The following UTRN variants were observed in gnomAD, a reference collection of about 807,000 sequenced individuals.
UTRN encodes the protein utrophin.
UTRN carries 283 observed loss-of-function variants against 463.9 expected under a neutral mutation model. That is an observed-to-expected ratio of 0.61 (90% CI 0.55 to 0.67). The LOEUF is 0.67. UTRN is among the 30% of genes least tolerant of loss of function. The pLI, the probability that UTRN is intolerant of heterozygous loss-of-function variation, is 0.00. For synonymous variants in UTRN, 1,442 were observed against 1,431.5 expected (o/e 1.01, Z -0.17); for missense variants, 3,922 against 4,084.3 (o/e 0.96, Z 1.08).
intron 49 of UTRN, among the ~76,000 whole-genome samples, chr6:144,556,704 T>C (rs3793135): frequency 0.54 from 81,397 of 151,976 alleles, 23,707 homozygotes; most frequent in East Asian, 0.85. Flanking sequence ...TCCATTCAAG[T>C]GGTTATCTTT....
chr6:144,813,236 C>A (rs1778786661), intron 65 of UTRN, among the ~76,000 whole-genome samples: 1 of 151,730 alleles, frequency 6.6e-6, no homozygotes, highest in Non-Finnish European at 1.5e-5. Flanking sequence ...GTTGTCCAAG[C>A]TGGAAGCAAT....
intron 69 of UTRN, 55 bp from the exon 70 acceptor site, chr6:144,835,725 A>C: frequency 2.5e-6 from 4 of 1,599,736 alleles, no homozygotes; most frequent in Non-Finnish European, 3.4e-6. Flanking sequence ...CTTTATGTCC[A>C]AAAACATCAC....
chr6:144,307,862 A>G (rs1336691521), intron 2 of UTRN, among the ~76,000 whole-genome samples: 1 of 151,786 alleles, frequency 6.6e-6, no homozygotes, highest in Non-Finnish European at 1.5e-5. Flanking sequence ...CATCAAGCTC[A>G]GGTGGAATGG....
intron 50 of UTRN, among the ~76,000 whole-genome samples, chr6:144,564,453 G>C (rs115029288): frequency 1.1e-4 from 17 of 152,242 alleles, no homozygotes; most frequent in Non-Finnish European, 2.1e-4. Flanking sequence ...GGAAGGCAGA[G>C]GCCAGATCAT....
At chr6:144,678,956 T>G (rs1781933538) in intron 52 of UTRN, among the ~76,000 whole-genome samples, 1 of 152,150 alleles carries the variant, frequency 6.6e-6, no homozygotes, top group Non-Finnish European at 1.5e-5. Flanking sequence ...TAACATTATT[T>G]CTTCTATGAG....
At chr6:144,359,698 T>C (rs1304804424) in intron 2 of UTRN, among the ~76,000 whole-genome samples, 1 of 151,796 alleles carries the variant, frequency 6.6e-6, no homozygotes, top group Non-Finnish European at 1.5e-5. Context: ...AAGATTCTGG[T>C]AAAAACCTTT....
chr6:144,731,870 CT>C (rs11342951), intron 54 of UTRN, among the ~76,000 whole-genome samples: 68,958 of 150,836 alleles, frequency 0.46, 20,892 homozygotes, highest in East Asian at 0.87. Flanking sequence ...TTTTCTTTTT[CT>C]TTTTTTTTGA....
intron 51 of UTRN, among the ~76,000 whole-genome samples, chr6:144,659,645 C>T (rs1779657189): frequency 6.6e-6 from 1 of 151,956 alleles, no homozygotes; most frequent in African/African-American, 2.4e-5. Flanking sequence ...GGTGTTTCTT[C>T]AGCTAAGAGT....
At chr6:144,573,242 C>T (rs746238222) in intron 50 of UTRN, among the ~76,000 whole-genome samples, 10 of 151,872 alleles carry the variant, frequency 6.6e-5, no homozygotes, top group Non-Finnish European at 1.3e-4. Flanking sequence ...ATTGTTTAAC[C>T]GTAGGAGCTA....
chr6:144,764,835 A>G (rs923996981), intron 58 of UTRN, among the ~76,000 whole-genome samples: 1 of 152,202 alleles, frequency 6.6e-6, no homozygotes, highest in African/African-American at 2.4e-5. Flanking sequence ...TTTTTTTAAT[A>G]AAAAGCTAAA....
Position 144,487,705 on chromosome 6 carries a change from T to G in UTRN, c.3972+8T>G, listed in dbSNP as rs1420634479. The G allele has an allele frequency of 1.0e-5, 16 of 1,605,628 alleles. No individual in the cohort carries two copies. Among genetic ancestry groups the G allele is most frequent in the African/African-American group, 1.3e-5 (1 of 74,538 alleles). ...GAAGATCTAAGTCACCTGGTAAGAGTTGGGACATACATGGGTGTTGATTAG... is the reference window on the plus strand; with the variant it reads ...GAAGATCTAAGTCACCTGGTAAGAGGTGGGACATACATGGGTGTTGATTAG... On this transcript the variant is annotated splice_region_variant and intron_variant, in intron 29 of 74. Coordinates refer to ENST00000367545, the MANE Select transcript of UTRN (RefSeq NM_007124.3).
chr6:144,768,353 G>T (rs1355940218), intron 58 of UTRN, among the ~76,000 whole-genome samples: 2 of 152,000 alleles, frequency 1.3e-5, no homozygotes, highest in South Asian at 2.1e-4. Flanking sequence ...ATCCCAGCTG[G>T]GGCTCTTCAG....
At chr6:144,701,968 A>T (rs901571004) in intron 53 of UTRN, among the ~76,000 whole-genome samples, 1 of 152,348 alleles carries the variant, frequency 6.6e-6, no homozygotes, top group Non-Finnish European at 1.5e-5. Context: ...TAGAAGATTT[A>T]AAATGACCGA....
rs78815593 is a variant in UTRN, at chr6:144,554,872, C to T, written c.7113C>T (p.Thr2371=). ...ILQQARRDPL[T]KQISDNQILL... Reference sequence around the variant, plus strand: ...AGCAAGCCCGACGGGATCCACTCACCAAACAAATTTCTGATAACCAAGTAA... The same window carrying T: ...AGCAAGCCCGACGGGATCCACTCACTAAACAAATTTCTGATAACCAAGTAA... Residue 2371 remains threonine (T), a synonymous_variant, in exon 49 of 75, where the codon ACC becomes ACT. Coordinates refer to ENST00000367545, the MANE Select transcript of UTRN (RefSeq NM_007124.3). 4.1e-3 allele frequency: 6,692 copies of T among 1,613,910 alleles called. 310 individuals carry two copies. In the East Asian group the frequency reaches 0.11, roughly 27 times the overall value.
chr6:144,341,885 C>A (rs1777163842), intron 2 of UTRN, among the ~76,000 whole-genome samples: 1 of 152,180 alleles, frequency 6.6e-6, no homozygotes, highest in African/African-American at 2.4e-5. Context: ...TGAACCCATA[C>A]AGCTGTACCA....
chr6:144,782,628 A>G (rs4896742), intron 61 of UTRN, among the ~76,000 whole-genome samples: 10 of 125,000 alleles, frequency 8.0e-5, no homozygotes, highest in Admixed American at 4.5e-4. Context: ...GTGTGTGTGT[A>G]TATATATATA....
At chr6:144,306,419 T>G (rs1805743239) in intron 2 of UTRN, among the ~76,000 whole-genome samples, 1 of 152,036 alleles carries the variant, frequency 6.6e-6, no homozygotes. Context: ...GGGGAGAGTT[T>G]AGAAGCTTTA....
At chr6:144,310,312 G>T (rs1361911936) in intron 2 of UTRN, among the ~76,000 whole-genome samples, 2 of 152,234 alleles carry the variant, frequency 1.3e-5, no homozygotes, top group Middle Eastern at 3.4e-3. Flanking sequence ...TGAGGCAGGC[G>T]GATCACCTGA....
At chr6:144,363,149 A>C (rs1486491460) in intron 2 of UTRN, among the ~76,000 whole-genome samples, 2 of 152,228 alleles carry the variant, frequency 1.3e-5, no homozygotes, top group Non-Finnish European at 2.9e-5. Flanking sequence ...TTAAATCTAA[A>C]AATAGAGAAA....
Sources: allele counts gnomAD v4.1 joint callset (sites outside exome capture counted in the v4.1 genomes callset), GRCh38; gene constraint gnomAD v4.1.1; transcripts MANE v1.5; gene names NCBI Gene and HGNC (gene_info 2026-07-23, HGNC 2026-07-21).